GLRA3: variants seen among roughly 807,000 people sequenced by gnomAD.
The protein encoded by GLRA3 is glycine receptor subunit alpha-3.
GLRA3 carries 44 observed loss-of-function variants against 60.4 expected under a neutral mutation model. The ratio of observed to expected loss-of-function variants is 0.73; its 90% confidence interval spans 0.57 to 0.94. The LOEUF (loss-of-function observed/expected upper bound fraction) is 0.94, where lower values mean the gene tolerates loss of function less well. GLRA3 is among the 40% of genes least tolerant of loss of function. The pLI is 0.00. For synonymous variants in GLRA3, 223 were observed against 192.9 expected (o/e 1.16, Z -1.29); for missense variants, 508 against 564.6 (o/e 0.90, Z 1.02).
At chr4:174,733,045 TTA>T (rs1257834393) in intron 3 of GLRA3, among the ~76,000 whole-genome samples, 1 of 152,144 alleles carries the variant, frequency 6.6e-6, no homozygotes, top group Non-Finnish European at 1.5e-5. Context: ...ATGTATGTAA[TTA>T]TATACCAAAA....
At chr4:174,802,918 G>C (rs956277860) in intron 1 of GLRA3, among the ~76,000 whole-genome samples, 1 of 151,986 alleles carries the variant, frequency 6.6e-6, no homozygotes, top group African/African-American at 2.4e-5. Flanking sequence ...CTTATTAGGG[G>C]TATCTATATT....
chr4:174,750,163 T>C lies in GLRA3; in HGVS notation c.267+16800A>G, dbSNP rs77164996. ...AAGTGCTAGATTTTACCATTTTTTG[T>C]GCATAAATTGTTATATGTGGAATAG... On this transcript the variant is annotated intron_variant, in intron 3 of 9. Coordinates refer to ENST00000274093, the MANE Select transcript of GLRA3 (RefSeq NM_006529.4). Among the ~76,000 whole-genome samples the C allele has an allele frequency of 9.3e-3, 1,416 of 152,262 alleles. 21 individuals carry two copies. The highest frequency in any genetic ancestry group is 0.032 in the African/African-American group (1,341 of 41,560).
chr4:174,805,922 A>G (rs1740032203), intron 1 of GLRA3, among the ~76,000 whole-genome samples: 1 of 152,168 alleles, frequency 6.6e-6, no homozygotes, highest in African/African-American at 2.4e-5. Flanking sequence ...CCAGAGAGCA[A>G]TAAAAACACC....
At chr4:174,731,674 G>T (rs562459951) in intron 3 of GLRA3, among the ~76,000 whole-genome samples, 1 of 152,134 alleles carries the variant, frequency 6.6e-6, no homozygotes, top group Non-Finnish European at 1.5e-5. Context: ...TCAGAATTAA[G>T]AAATTCTGTT....
At chr4:174,672,049 A>G (rs1579421127) in intron 7 of GLRA3, among the ~76,000 whole-genome samples, 1 of 152,200 alleles carries the variant, frequency 6.6e-6, no homozygotes, top group Non-Finnish European at 1.5e-5. Context: ...CATTGACCAT[A>G]AACAGTTTTT....
Position 174,644,078 on chromosome 4 carries a change from A to C in GLRA3, c.1117-14T>G. On this transcript the variant is annotated splice_polypyrimidine_tract_variant and intron_variant, in intron 9 of 9. Coordinates refer to ENST00000274093, the MANE Select transcript of GLRA3 (RefSeq NM_006529.4). ...TACCTCATCATCCTGTCAAAGAAAA[A>C]TGTGACAAGGCCCTTTAATAATACA... The C allele has an allele frequency of 6.5e-7, 1 of 1,538,750 alleles. No homozygotes were observed. Among genetic ancestry groups the C allele is most frequent in the Non-Finnish European group, 8.9e-7 (1 of 1,118,146 alleles).
intron 1 of GLRA3, among the ~76,000 whole-genome samples, chr4:174,796,689 A>G (rs546367933): frequency 1.3e-5 from 2 of 152,120 alleles, no homozygotes; most frequent in East Asian, 3.9e-4. Flanking sequence ...GGCATATGCC[A>G]CCACGCCCAG....
intron 6 of GLRA3, among the ~76,000 whole-genome samples, chr4:174,678,873 A>G (rs1030599824): frequency 1.3e-5 from 2 of 152,242 alleles, no homozygotes; most frequent in African/African-American, 4.8e-5. Flanking sequence ...TTATAATATC[A>G]GTTAAATAAC....
intron 5 of GLRA3, among the ~76,000 whole-genome samples, chr4:174,697,113 A>G (rs1735089375): frequency 6.6e-6 from 1 of 152,234 alleles, no homozygotes; most frequent in Admixed American, 6.5e-5. Context: ...AACTTTACAC[A>G]ACGGGTAAAT....
chr4:174,657,409 G>T (rs1192954498), intron 8 of GLRA3, among the ~76,000 whole-genome samples: 2 of 152,100 alleles, frequency 1.3e-5, no homozygotes, highest in African/African-American at 4.8e-5. Flanking sequence ...ATTCTAAATT[G>T]TATAAGGAGA....
intron 5 of GLRA3, among the ~76,000 whole-genome samples, chr4:174,690,306 T>A (rs1349762672): frequency 6.6e-6 from 1 of 152,204 alleles, no homozygotes; most frequent in Non-Finnish European, 1.5e-5. Context: ...TGTTAGTATT[T>A]TCATTTACAT....
rs1215669255 is a variant in GLRA3 at position 174,822,897 on chromosome 4, TC to T, written c.71+5843del. Among the ~76,000 whole-genome samples the T allele has an allele frequency of 2.0e-5, 3 of 152,166 alleles. No individual in the cohort carries two copies. In the East Asian group the frequency reaches 5.8e-4, roughly 29 times the overall value. ...CTAGTAATACTTCCTCCTAAAAGCA[TC>T]TCTAGTAAGGAGATTCTGAAAAAAT... On this transcript the variant is annotated intron_variant, in intron 1 of 9. Transcript: ENST00000274093.
chr4:174,700,546 C>T (rs1393842742), intron 5 of GLRA3, among the ~76,000 whole-genome samples: 1 of 152,156 alleles, frequency 6.6e-6, no homozygotes, highest in Non-Finnish European at 1.5e-5. Context: ...AAAGGAAAAG[C>T]AACACATCTC....
chr4:174,754,210 T>A (rs1737599101), intron 3 of GLRA3, among the ~76,000 whole-genome samples: 1 of 152,168 alleles, frequency 6.6e-6, no homozygotes, highest in African/African-American at 2.4e-5. Context: ...TTCATATGCC[T>A]CATGGGGTCA....
chr4:174,639,139 G>A lies in GLRA3; in HGVS notation c.*4647C>T, dbSNP rs555391127. The A allele has an allele frequency of 2.6e-5, 4 of 152,184 alleles. No homozygotes were observed. Among genetic ancestry groups the A allele is most frequent in the South Asian group, 4.2e-4 (2 of 4,814 alleles). The allele number at this position is 152,184 out of a possible 1,614,324, so 9.4% of individuals were successfully genotyped here. A position where few individuals can be genotyped will look rare whatever the true frequency, so the allele number is the denominator to read the frequency against. ...CGGTTCAAATAGTGTTTTAGAATTC[G>A]ATTGTTAAGGGTTAAAGACTTGATC... On this transcript the variant is annotated 3_prime_UTR_variant, in exon 10 of 10. Coordinates refer to ENST00000274093, the MANE Select transcript of GLRA3 (RefSeq NM_006529.4).
At chr4:174,710,610 G>A (rs1056832709) in intron 5 of GLRA3, among the ~76,000 whole-genome samples, 3 of 151,970 alleles carry the variant, frequency 2.0e-5, no homozygotes, top group South Asian at 2.1e-4. Context: ...TTACGCGGAC[G>A]TTTTTCCCCC....
intron 1 of GLRA3, among the ~76,000 whole-genome samples, chr4:174,795,893 C>T (rs891811272): frequency 6.6e-6 from 1 of 150,528 alleles, no homozygotes; most frequent in South Asian, 2.1e-4. Flanking sequence ...ACGGTGTGAG[C>T]AAAATCCTTA....
At chr4:174,766,120 A>C (rs1346041494) in intron 3 of GLRA3, among the ~76,000 whole-genome samples, 1 of 151,904 alleles carries the variant, frequency 6.6e-6, no homozygotes, top group Non-Finnish European at 1.5e-5. Context: ...ATAGAACATA[A>C]TTCTCTAATA....
rs72996785 is a variant in GLRA3, at chr4:174,649,324, A to G, written c.1117-5260T>C. On this transcript the variant is annotated intron_variant, in intron 9 of 9. Coordinates refer to ENST00000274093, the MANE Select transcript of GLRA3 (RefSeq NM_006529.4). ...CTATAGTAGCAGGTATCATGGTCAC[A>G]CTAAAAACTGTAGGTAGGAAAAAAG... 1.4e-3 allele frequency among the ~76,000 whole-genome samples: 213 copies of G among 152,298 alleles called. 3 individuals are homozygous for G. The highest frequency in any genetic ancestry group is 4.9e-3 in the African/African-American group (205 of 41,570).
Sources: allele counts gnomAD v4.1 joint callset (sites outside exome capture counted in the v4.1 genomes callset), GRCh38; gene constraint gnomAD v4.1.1; transcripts MANE v1.5; gene names NCBI Gene and HGNC (gene_info 2026-07-23, HGNC 2026-07-21).